Variants in REL observed in about 807,000 individuals in gnomAD.
REL encodes REL proto-oncogene, NF-kB subunit.
A neutral mutation model predicts 45.9 loss-of-function variants in REL; 15 were observed. That is an observed-to-expected ratio of 0.33 (90% CI 0.22 to 0.50). The LOEUF is 0.50. Among genes scored for constraint, REL ranks in the 20% least tolerant of loss-of-function variants. The pLI, the probability that REL is intolerant of heterozygous loss-of-function variation, is 0.98. For missense variants in REL, 601 were observed against 715.2 expected, an observed-to-expected ratio of 0.84 and a Z score of 1.82; for synonymous variants, 239 against 242.1, an observed-to-expected ratio of 0.99 and a Z score of 0.12.
rs892723481 is a variant in REL, at chr2:60,902,490, C to G, written c.394+1407C>G. ...TTCTACTCCTTCATTTTTTTCCACT[C>G]AGGAATATACCTTAAACTTTCCATG... On this transcript the variant is annotated intron_variant, in intron 4 of 9. Transcript: ENST00000394479. Among the ~76,000 whole-genome samples, 6 of 149,786 alleles carry G rather than the reference C, an allele frequency of 4.0e-5. No individual in the cohort carries two copies. In the South Asian group the frequency reaches 6.3e-4, roughly 16 times the overall value.
At chr2:60,909,880 C>T (rs529856062) in intron 4 of REL, among the ~76,000 whole-genome samples, 4 of 151,594 alleles carry the variant, frequency 2.6e-5, no homozygotes, top group African/African-American at 4.9e-5. Flanking sequence ...TCCAGCCTGG[C>T]GACAGAGCAA....
intron 2 of REL, among the ~76,000 whole-genome samples, chr2:60,892,892 C>G (rs530806270): frequency 1.3e-5 from 2 of 150,420 alleles, no homozygotes; most frequent in African/African-American, 4.9e-5. Context: ...GTAGCTGGGA[C>G]TACAGGCGCC....
chr2:60,920,346 A>C (rs34859816), intron 8 of REL: 12,066 of 615,744 alleles, frequency 0.02, 176 homozygotes, highest in Non-Finnish European at 0.025. Flanking sequence ...GATTACAGGC[A>C]TGTGCCACCA....
At chr2:60,890,349 G>T (rs1270572122) in intron 1 of REL, among the ~76,000 whole-genome samples, 1 of 152,146 alleles carries the variant, frequency 6.6e-6, no homozygotes, top group Non-Finnish European at 1.5e-5. Context: ...TTACAGAGGA[G>T]GAAACTAAGA....
chr2:60,912,457 T>G (rs371222987), intron 4 of REL, among the ~76,000 whole-genome samples: 5 of 152,272 alleles, frequency 3.3e-5, no homozygotes, highest in South Asian at 2.1e-4. Flanking sequence ...TATTATGGTG[T>G]TGTTTCGCTT....
At chr2:60,917,641 A>G (rs933353406) in intron 5 of REL, among the ~76,000 whole-genome samples, 1 of 148,958 alleles carries the variant, frequency 6.7e-6, no homozygotes, top group African/African-American at 2.5e-5. Context: ...ATATGGATAT[A>G]TCTCATTTTG....
intron 1 of REL, among the ~76,000 whole-genome samples, chr2:60,888,648 C>T (rs996562594): frequency 6.6e-6 from 1 of 152,152 alleles, no homozygotes; most frequent in African/African-American, 2.4e-5. Flanking sequence ...TTCTCTGGCT[C>T]TTCATCTTCT....
In REL at chr2:60,931,174, G is replaced by A. The variant is rs1674375619; in HGVS notation, c.*8639G>A. On this transcript the variant is annotated 3_prime_UTR_variant, in exon 10 of 10. Coordinates refer to ENST00000394479, the MANE Select transcript of REL (RefSeq NM_001291746.2). ...TACTGGGTAATTAGCTAATAATGTT[G>A]GTCACTGTCTCACAGTTCAAGTAGC... 3 of 152,026 alleles carry A rather than the reference G, an allele frequency of 2.0e-5. No homozygotes were observed. Among genetic ancestry groups the A allele is most frequent in the Non-Finnish European group, 2.9e-5 (2 of 68,028 alleles). 9.4% of individuals were successfully genotyped at this position (152,026 alleles called of 1,614,324 possible).
Position 60,922,292 on chromosome 2 carries a change from G to A in REL, c.1521G>A (p.Met507Ile), listed in dbSNP as rs1460342505. The change falls in exon 10 of 10, where the codon ATG becomes ATA. Residue 507 changes from methionine to isoleucine, a missense_variant. Physicochemically the swap from Met to Ile is conservative, Grantham distance 10. Transcript: ENST00000394479. ...GAGACTTGAGACAGCTCCATCAGATGTCCTCTTCCAGTATGTCAGCAGGCG... is the reference window on the plus strand; with the variant it reads ...GAGACTTGAGACAGCTCCATCAGATATCCTCTTCCAGTATGTCAGCAGGCG... ...DPRDLRQLHQMSSSSMSAGAN... is the reference protein window; with the variant it reads ...DPRDLRQLHQISSSSMSAGAN... 4 of 1,614,096 alleles carry A rather than the reference G, an allele frequency of 2.5e-6. No individual in the cohort carries two copies. Among genetic ancestry groups the A allele is most frequent in the South Asian group, 1.1e-5 (1 of 91,082 alleles).
rs767728453 is a variant in REL, at chr2:60,894,419, G to C, written c.176G>C (p.Gly59Ala). The C allele has an allele frequency of 5.0e-5, 78 of 1,568,184 alleles. 1 individual carries two copies. The South Asian group carries it at 8.8e-4, about 18-fold the overall frequency. ...CAGATTATGAACTATTATGGAAAAGGAAAAGTGAGAATTACATTAGTAACA... is the reference window on the plus strand; with the variant it reads ...CAGATTATGAACTATTATGGAAAAGCAAAAGTGAGAATTACATTAGTAACA... ...SIQIMNYYGK[G>A]KVRITLVTKN... The change falls in exon 3 of 10, where the codon GGA becomes GCA. Residue 59 changes from glycine (G) to alanine (A), a missense_variant. Around this residue, in one of 4 missense-constraint regions of REL, gnomAD observed 241 missense variants for 347.0 expected, o/e 0.69. Transcript: ENST00000394479.
rs1179669459 is a variant in REL, at chr2:60,929,215, T to A, written c.*6680T>A. On this transcript the variant is annotated 3_prime_UTR_variant, in exon 10 of 10. Transcript: ENST00000394479. The stretch of plus-strand genomic sequence containing the variant: ...TGGAGAAATAGGAACACTTTTACAC[T>A]GTTGGTGGGACTGTAAACTAGTTCA... 1 of 149,574 alleles carries A rather than the reference T, an allele frequency of 6.7e-6. No homozygotes were observed. Among genetic ancestry groups the A allele is most frequent in the Non-Finnish European group, 1.5e-5 (1 of 67,308 alleles). The allele number at this position is 149,574 out of a possible 1,614,324, so 9.3% of individuals were successfully genotyped here. A position where few individuals can be genotyped will look rare whatever the true frequency, so the allele number is the denominator to read the frequency against.
intron 4 of REL, among the ~76,000 whole-genome samples, chr2:60,901,707 A>G (rs183926196): frequency 6.6e-6 from 1 of 151,944 alleles, no homozygotes; most frequent in East Asian, 1.9e-4. Flanking sequence ...GACAACATAC[A>G]CTCCCCCCTT....
rs1674044847 is a variant in REL, at chr2:60,918,497, A to G, written c.744A>G (p.Pro248=). The change falls in exon 7 of 10, where the codon CCA becomes CCG. Residue 248 remains proline (P), a synonymous_variant. Transcript: ENST00000394479. The stretch of plus-strand genomic sequence containing the variant: ...TAGCCATTGTTTTCAAAACTCCACC[A>G]TATTGCAAAGCTATCACAGAACCCG... ...RQVAIVFKTP[P]YCKAITEPVT... is the part of the protein sequence containing the mutation. 1.9e-6 allele frequency: 3 copies of G among 1,613,996 alleles called. No homozygotes were observed. Among genetic ancestry groups the G allele is most frequent in the South Asian group, 2.2e-5 (2 of 91,096 alleles).
intron 1 of REL, among the ~76,000 whole-genome samples, chr2:60,889,467 T>C (rs907576547): frequency 1.2e-4 from 19 of 152,302 alleles, no homozygotes; most frequent in African/African-American, 4.3e-4. Context: ...TTTTTTTTAT[T>C]TTTTATTTTT....
chr2:60,924,336 A>G lies in REL; in HGVS notation c.*1801A>G, dbSNP rs1049104299. ...TTTGTGCTTTATTGTTGAATCTCCA[A>G]TTTGTAGAAAAATGCCTACCTTATA... On this transcript the variant is annotated 3_prime_UTR_variant, in exon 10 of 10. Transcript: ENST00000394479. 20 of 218,758 alleles carry G rather than the reference A, an allele frequency of 9.1e-5. No individual in the cohort carries two copies. Among genetic ancestry groups the G allele is most frequent in the Middle Eastern group, 1.4e-3 (1 of 692 alleles). 13.6% of individuals were successfully genotyped at this position (218,758 alleles called of 1,614,324 possible). A position where few individuals can be genotyped will look rare whatever the true frequency, so the allele number is the denominator to read the frequency against.
At chr2:60,892,585 C>T (rs148648494) in intron 2 of REL, among the ~76,000 whole-genome samples, 10 of 151,980 alleles carry the variant, frequency 6.6e-5, no homozygotes, top group South Asian at 2.1e-4. Flanking sequence ...CCCACCACCA[C>T]GCCCAGCTGA....
intron 3 of REL, among the ~76,000 whole-genome samples, chr2:60,898,728 T>A (rs1673421277): frequency 6.6e-6 from 1 of 152,218 alleles, no homozygotes; most frequent in Non-Finnish European, 1.5e-5. Flanking sequence ...TATGTAAACA[T>A]CAGTTTGGCT....
chr2:60,907,483 A>G (rs930217629), intron 4 of REL, among the ~76,000 whole-genome samples: 1 of 151,794 alleles, frequency 6.6e-6, no homozygotes, highest in African/African-American at 2.4e-5. Flanking sequence ...ATCTCTACAA[A>G]AAATTGGCTG....
intron 3 of REL, 72 bp from the exon 4 acceptor site, chr2:60,900,920 G>C (rs968435530): frequency 7.1e-6 from 9 of 1,263,506 alleles, no homozygotes; most frequent in Non-Finnish European, 1.0e-5. Context: ...CTTCAGTATT[G>C]CTATATGTTT....
Sources: allele counts gnomAD v4.1 joint callset (sites outside exome capture counted in the v4.1 genomes callset), GRCh38; gene constraint gnomAD v4.1.1; regional missense constraint gnomAD v4.1.1; transcripts MANE v1.5; gene names NCBI Gene and HGNC (gene_info 2026-07-23, HGNC 2026-07-21).